MIGA1: variants seen among roughly 807,000 people sequenced by gnomAD.
MIGA1 encodes family with sequence similarity 73, member A.
In MIGA1, 58 loss-of-function variants were observed where a neutral mutation model predicts 82.0. That is an observed-to-expected ratio of 0.71 (90% CI 0.57 to 0.88). MIGA1 has a LOEUF of 0.88. MIGA1 is among the 40% of genes least tolerant of loss of function. The probability of loss-of-function intolerance (pLI) is 0.00; values close to 1 mark genes in which losing one functional copy is unlikely to be tolerated. For synonymous variants in MIGA1, 249 were observed against 253.6 expected (o/e 0.98, Z 0.17); for missense variants, 751 against 749.1 (o/e 1.00, Z -0.03).
intron 8 of MIGA1, chr1:77,853,956 G>A: frequency 4.6e-6 from 1 of 218,020 alleles, no homozygotes. Flanking sequence ...AAGTTCTTTA[G>A]TGGTGATTTG....
intron 2 of MIGA1, among the ~76,000 whole-genome samples, chr1:77,786,216 A>G (rs1198542399): frequency 6.6e-6 from 1 of 152,212 alleles, no homozygotes; most frequent in Non-Finnish European, 1.5e-5. Context: ...GCAGGGCACC[A>G]AGTCCCTAGG....
At chr1:77,807,298 A>G (rs1457000814) in intron 5 of MIGA1, among the ~76,000 whole-genome samples, 197 bp downstream of exon 5, 2 of 152,046 alleles carry the variant, frequency 1.3e-5, no homozygotes, top group African/African-American at 4.8e-5. Context: ...AGTTGCTGGG[A>G]CCACAGGCGC....
chr1:77,780,249 G>A, intron 1 of MIGA1: 1 of 861,856 alleles, frequency 1.2e-6, no homozygotes, highest in Non-Finnish European at 1.4e-6. Context: ...TTTGAGCAGG[G>A]AGTGGCTTTT....
At chr1:77,865,438 C>T (rs1203748948) in intron 13 of MIGA1, among the ~76,000 whole-genome samples, 1 of 151,916 alleles carries the variant, frequency 6.6e-6, no homozygotes, top group South Asian at 2.1e-4. Flanking sequence ...AAAAAAAATA[C>T]AAAAATTTGC....
chr1:77,840,117 T>C (rs950235914), intron 7 of MIGA1, among the ~76,000 whole-genome samples: 3 of 152,224 alleles, frequency 2.0e-5, no homozygotes, highest in African/African-American at 4.8e-5. Context: ...TTGCCCAAGA[T>C]TCTTTCTTTG....
chr1:77,793,157 G>A (rs1341973294), intron 2 of MIGA1, among the ~76,000 whole-genome samples: 1 of 152,066 alleles, frequency 6.6e-6, no homozygotes, highest in Non-Finnish European at 1.5e-5. Context: ...GGGCTGGAGT[G>A]CAGTGGTGTG....
intron 7 of MIGA1, among the ~76,000 whole-genome samples, chr1:77,836,432 TA>T (rs924046770): frequency 1.3e-5 from 2 of 151,840 alleles, no homozygotes; most frequent in East Asian, 1.9e-4. Context: ...AACTGAGTAT[TA>T]AAAAAAATGT....
intron 9 of MIGA1, 43 bp from the exon 10 acceptor site, chr1:77,859,271 C>A: frequency 6.8e-7 from 1 of 1,478,450 alleles, no homozygotes; most frequent in Non-Finnish European, 9.5e-7. Flanking sequence ...TAGGCTTGAT[C>A]TTGAATGTAG....
intron 4 of MIGA1, among the ~76,000 whole-genome samples, chr1:77,803,770 G>T (rs957415006): frequency 6.6e-6 from 1 of 152,274 alleles, no homozygotes; most frequent in East Asian, 1.9e-4. Flanking sequence ...AAAGGTAACG[G>T]GGGGTGGAGG....
intron 7 of MIGA1, among the ~76,000 whole-genome samples, chr1:77,841,353 A>G (rs907288456): frequency 6.6e-6 from 1 of 151,158 alleles, no homozygotes. Flanking sequence ...GGAAAAAAAT[A>G]TGTTACATGT....
chr1:77,869,113 G>C (rs1376284557), intron 14 of MIGA1, among the ~76,000 whole-genome samples: 4 of 150,218 alleles, frequency 2.7e-5, no homozygotes, highest in Non-Finnish European at 5.9e-5. Context: ...TTGTGTCCCT[G>C]GGTACTTAAG....
At chr1:77,804,462 T>C (rs895064997) in intron 4 of MIGA1, among the ~76,000 whole-genome samples, 1 of 152,136 alleles carries the variant, frequency 6.6e-6, no homozygotes, top group Non-Finnish European at 1.5e-5. Context: ...GTGCCTATAG[T>C]CTCAGCTATT....
chr1:77,871,569 C>A (rs1382866316), intron 14 of MIGA1, among the ~76,000 whole-genome samples: 1 of 151,494 alleles, frequency 6.6e-6, no homozygotes, highest in African/African-American at 2.4e-5. Flanking sequence ...TAGAAAATAA[C>A]CCCCGCCCCC....
intron 2 of MIGA1, among the ~76,000 whole-genome samples, chr1:77,784,280 A>G (rs949139329): frequency 6.6e-6 from 1 of 152,072 alleles, no homozygotes; most frequent in African/African-American, 2.4e-5. Flanking sequence ...TTTGGAGTAC[A>G]GTGGCAAGAT....
At chr1:77,844,207 C>T (rs1309672684) in intron 8 of MIGA1, among the ~76,000 whole-genome samples, 1 of 148,600 alleles carries the variant, frequency 6.7e-6, no homozygotes, top group Non-Finnish European at 1.5e-5. Flanking sequence ...CACACATTCA[C>T]TGTGGCATTT....
chr1:77,868,753 CTATATGTAG>C (rs1340684505), intron 14 of MIGA1: 1 of 152,116 alleles, frequency 6.6e-6, no homozygotes, highest in African/African-American at 2.4e-5. Context: ...TAGAACTTTA[CTATATGTAG>C]AACATACTTT....
chr1:77,863,868 C>A (rs1363955849), intron 12 of MIGA1, 26 bp from the exon 13 acceptor site: 2 of 1,475,208 alleles, frequency 1.4e-6, no homozygotes, highest in Non-Finnish European at 1.8e-6. Context: ...ATAATAATTT[C>A]TGTTTCAACT....
rs1402998960 is a variant in MIGA1 at position 77,815,373 on chromosome 1, A to G, written c.895+142A>G. 1.5e-5 allele frequency: 8 copies of G among 541,548 alleles called. No individual in the cohort carries two copies. In the East Asian group the frequency reaches 3.1e-4, roughly 21 times the overall value. The allele number at this position is 541,548 out of a possible 1,614,324, so 33.5% of individuals were successfully genotyped here. A position where few individuals can be genotyped will look rare whatever the true frequency, so the allele number is the denominator to read the frequency against. On this transcript the variant is annotated intron_variant, in intron 7 of 15. Transcript: ENST00000370791. Reference sequence around the variant, plus strand: ...CTAGCCAAGAGAAAAAATTTTTATCATATTTCTTTTTTCTTTCAGTTTTAA... The same window carrying G: ...CTAGCCAAGAGAAAAAATTTTTATCGTATTTCTTTTTTCTTTCAGTTTTAA...
intron 7 of MIGA1, among the ~76,000 whole-genome samples, chr1:77,838,738 G>A (rs1684520674): frequency 6.6e-6 from 1 of 152,200 alleles, no homozygotes; most frequent in Non-Finnish European, 1.5e-5. Context: ...ATCAGCCACT[G>A]CACCCGGTCA....
Sources: allele counts gnomAD v4.1 joint callset (sites outside exome capture counted in the v4.1 genomes callset), GRCh38; gene constraint gnomAD v4.1.1; transcripts MANE v1.5; gene names NCBI Gene and HGNC (gene_info 2026-07-23, HGNC 2026-07-21).